Variants in GRM5 observed in about 807,000 individuals in gnomAD.
GRM5 encodes the protein metabotropic glutamate receptor 5.
GRM5 carries 19 observed loss-of-function variants against 83.1 expected under a neutral mutation model. The ratio of observed to expected loss-of-function variants is 0.23; its 90% CI spans 0.16 to 0.34. The LOEUF is 0.34. GRM5 is among the 10% of genes least tolerant of loss of function. GRM5 has a pLI of 1.00. For synonymous variants in GRM5, 675 were observed against 633.6 expected (o/e 1.07, Z -0.98); for missense variants, 1,160 against 1,588.3 (o/e 0.73, Z 4.58).
intron 2 of GRM5, among the ~76,000 whole-genome samples, chr11:88,893,142 CAAAA>C (rs398017016): frequency 8.4e-6 from 1 of 118,576 alleles, no homozygotes. Flanking sequence ...TAATAGTCAC[CAAAA>C]AAAAAAAAAG....
At chr11:88,973,765 T>A (rs1278494722) in intron 2 of GRM5, among the ~76,000 whole-genome samples, 2 of 152,108 alleles carry the variant, frequency 1.3e-5, no homozygotes, top group African/African-American at 4.8e-5. Context: ...TAATGGGGTA[T>A]CATAACTGAA....
chr11:88,640,526 A>G (rs1199104156), intron 4 of GRM5, among the ~76,000 whole-genome samples: 6 of 152,106 alleles, frequency 3.9e-5, no homozygotes, highest in Admixed American at 2.6e-4. Flanking sequence ...TTCTGATACT[A>G]TCTACTTGGA....
At chr11:88,958,371 T>C (rs1938688064) in intron 2 of GRM5, among the ~76,000 whole-genome samples, 2 of 151,760 alleles carry the variant, frequency 1.3e-5, no homozygotes, top group South Asian at 4.2e-4. Flanking sequence ...AAATATAATA[T>C]AAAAATTACA....
At chr11:88,725,463 G>A (rs962383792) in intron 3 of GRM5, among the ~76,000 whole-genome samples, 4 of 152,192 alleles carry the variant, frequency 2.6e-5, no homozygotes, top group Non-Finnish European at 4.4e-5. Flanking sequence ...CGCAGCTTCA[G>A]CAGACTTAAA....
chr11:88,643,895 G>T (rs965859188), intron 4 of GRM5, among the ~76,000 whole-genome samples: 2 of 152,158 alleles, frequency 1.3e-5, no homozygotes, highest in African/African-American at 4.8e-5. Context: ...GCATAAGGAA[G>T]TATCCTCTAA....
chr11:88,959,041 C>T (rs907021683), intron 2 of GRM5, among the ~76,000 whole-genome samples: 2 of 151,912 alleles, frequency 1.3e-5, no homozygotes, highest in African/African-American at 2.4e-5. Context: ...ACAGAAAATT[C>T]GATCATATAT....
chr11:88,593,402 G>A (rs897355889), intron 6 of GRM5, among the ~76,000 whole-genome samples: 3 of 152,118 alleles, frequency 2.0e-5, no homozygotes, highest in Non-Finnish European at 2.9e-5. Flanking sequence ...AATAGGCTGG[G>A]TGCAGTGGCT....
intron 3 of GRM5, among the ~76,000 whole-genome samples, chr11:88,667,982 C>T (rs1341339876): frequency 1.3e-5 from 2 of 151,402 alleles, no homozygotes; most frequent in African/African-American, 2.4e-5. Context: ...GAACACTTGG[C>T]AACAATGAAA....
At chr11:88,798,532 T>G (rs1216057209) in intron 3 of GRM5, among the ~76,000 whole-genome samples, 1 of 152,024 alleles carries the variant, frequency 6.6e-6, no homozygotes. Context: ...GGGGCAGCGA[T>G]CAAGGCAGGA....
At chr11:89,032,528 A>C (rs1174764679) in intron 2 of GRM5, among the ~76,000 whole-genome samples, 4 of 152,068 alleles carry the variant, frequency 2.6e-5, no homozygotes, top group Non-Finnish European at 2.9e-5. Context: ...CCTAGACCTG[A>C]GTTTCTTTTC....
chr11:88,909,533 C>T (rs1945459049), intron 2 of GRM5, among the ~76,000 whole-genome samples: 1 of 91,148 alleles, frequency 1.1e-5, no homozygotes, highest in Non-Finnish European at 2.3e-5. Context: ...CCAAACTCTT[C>T]ATCCTCACCA....
At chr11:88,944,727 T>C (rs1283377003) in intron 2 of GRM5, among the ~76,000 whole-genome samples, 1 of 151,754 alleles carries the variant, frequency 6.6e-6, no homozygotes, top group Non-Finnish European at 1.5e-5. Flanking sequence ...TTGTCAATTA[T>C]CCAGCTATGA....
At chr11:88,688,560 A>G (rs1173401104) in intron 3 of GRM5, among the ~76,000 whole-genome samples, 1 of 152,160 alleles carries the variant, frequency 6.6e-6, no homozygotes, top group Non-Finnish European at 1.5e-5. Context: ...AATTAAATAT[A>G]GCCTAATGAA....
intron 8 of GRM5, among the ~76,000 whole-genome samples, chr11:88,531,907 G>A (rs1242640119): frequency 6.6e-6 from 1 of 152,026 alleles, no homozygotes; most frequent in Non-Finnish European, 1.5e-5. Flanking sequence ...GCTAAGCCTT[G>A]TGAGCACTTA....
chr11:88,514,596 A>T (rs1347534369), intron 9 of GRM5, among the ~76,000 whole-genome samples: 1 of 152,160 alleles, frequency 6.6e-6, no homozygotes, highest in Non-Finnish European at 1.5e-5. Flanking sequence ...TCAATACAGG[A>T]ATACAGTGTT....
intron 5 of GRM5, among the ~76,000 whole-genome samples, chr11:88,600,502 A>C (rs962816930): frequency 8.6e-5 from 13 of 152,006 alleles, no homozygotes; most frequent in African/African-American, 2.9e-4. Flanking sequence ...GCCAAAATTT[A>C]AACCTAGAAT....
rs529968881 is a variant in GRM5, at chr11:88,834,381, A to G, written c.911+15525T>C. Among the ~76,000 whole-genome samples, 51 of 152,348 alleles carry G rather than the reference A, an allele frequency of 3.3e-4. No individual in the cohort carries two copies. The South Asian group carries it at 0.01, about 31-fold the overall frequency. On this transcript the variant is annotated intron_variant, in intron 3 of 9. Coordinates refer to ENST00000305447, the MANE Select transcript of GRM5 (RefSeq NM_001143831.3). ...AGGTAAATTGAGAGAATCTCTATAA[A>G]TCATCTTGAAGCATAAAGACTTGTA...
At chr11:88,842,682 T>C (rs1476220379) in intron 3 of GRM5, among the ~76,000 whole-genome samples, 1 of 152,214 alleles carries the variant, frequency 6.6e-6, no homozygotes, top group Non-Finnish European at 1.5e-5. Context: ...CTGTCTCCAA[T>C]TTAGAGTTCA....
At chr11:88,678,933 G>A (rs1436061336) in intron 3 of GRM5, among the ~76,000 whole-genome samples, 1 of 151,942 alleles carries the variant, frequency 6.6e-6, no homozygotes, top group African/African-American at 2.4e-5. Context: ...GTGAAAGAAG[G>A]CCAGTACAGT....
Sources: allele counts gnomAD v4.1 joint callset (sites outside exome capture counted in the v4.1 genomes callset), GRCh38; gene constraint gnomAD v4.1.1; transcripts MANE v1.5; gene names NCBI Gene and HGNC (gene_info 2026-07-23, HGNC 2026-07-21).